Variants in PSD3 observed in about 807,000 individuals in gnomAD.
PSD3 encodes pleckstrin and Sec7 domain containing 3.
Under a neutral mutation model 105.5 loss-of-function variants are expected in PSD3, and 49 were observed. That is an observed-to-expected ratio of 0.46 (90% CI 0.37 to 0.59). PSD3 has a LOEUF of 0.59. Among genes scored for constraint, PSD3 ranks in the 20% least tolerant of loss-of-function variants. PSD3 has a pLI of 0.00. For synonymous variants in PSD3, 557 were observed against 457.8 expected, an observed-to-expected ratio of 1.22 and a Z score of -2.77; for missense variants, 1,561 against 1,263.8, an observed-to-expected ratio of 1.24 and a Z score of -3.57.
intron 1 of PSD3, among the ~76,000 whole-genome samples, chr8:19,032,395 C>A (rs1336825999): frequency 6.6e-6 from 1 of 152,036 alleles, no homozygotes; most frequent in Non-Finnish European, 1.5e-5. Flanking sequence ...GTAATCCCAG[C>A]ACTTTGGGAG....
At chr8:18,658,955 T>C (rs1809104544) in intron 9 of PSD3, among the ~76,000 whole-genome samples, 1 of 152,100 alleles carries the variant, frequency 6.6e-6, no homozygotes, top group Non-Finnish European at 1.5e-5. Context: ...TCACAGCTTG[T>C]CTCTCTCAAT....
At chr8:18,944,479 G>A (rs978189779) in intron 1 of PSD3, among the ~76,000 whole-genome samples, 3 of 152,162 alleles carry the variant, frequency 2.0e-5, no homozygotes, top group East Asian at 1.9e-4. Context: ...GCTGAGCGAG[G>A]AGAATCACTT....
intron 10 of PSD3, among the ~76,000 whole-genome samples, chr8:18,648,434 T>A (rs1389138941): frequency 6.6e-6 from 1 of 152,140 alleles, no homozygotes; most frequent in East Asian, 1.9e-4. Flanking sequence ...ATTTTGAACT[T>A]GAGAGTGATG....
At chr8:18,620,088 C>G (rs994355502) in intron 11 of PSD3, among the ~76,000 whole-genome samples, 3 of 152,198 alleles carry the variant, frequency 2.0e-5, no homozygotes, top group Admixed American at 2.0e-4. Flanking sequence ...CTCCTTAACT[C>G]AAGCATTCCT....
At chr8:18,845,764 C>A (rs1815038631) in intron 4 of PSD3, among the ~76,000 whole-genome samples, 2 of 152,092 alleles carry the variant, frequency 1.3e-5, no homozygotes, top group Admixed American at 1.3e-4. Context: ...TAGCAAGACC[C>A]CACCTCTACA....
At chr8:18,858,798 G>T (rs183930489) in intron 4 of PSD3, among the ~76,000 whole-genome samples, 91 of 152,190 alleles carry the variant, frequency 6.0e-4, no homozygotes, top group African/African-American at 2.0e-3. Context: ...CTTCTCGTTC[G>T]CCTGCTATTT....
intron 9 of PSD3, among the ~76,000 whole-genome samples, chr8:18,748,819 A>G (rs1482145257): frequency 6.6e-6 from 1 of 152,248 alleles, no homozygotes; most frequent in East Asian, 1.9e-4. Flanking sequence ...TCATCCACCT[A>G]AAGTAGGGTA....
chr8:18,727,322 A>G (rs1803399046), intron 9 of PSD3, among the ~76,000 whole-genome samples: 1 of 140,772 alleles, frequency 7.1e-6, no homozygotes, highest in South Asian at 2.5e-4. Flanking sequence ...AGGAAACCGC[A>G]AGACTGTGTC....
intron 6 of PSD3, among the ~76,000 whole-genome samples, chr8:18,801,744 C>A (rs1486046793): frequency 6.6e-6 from 1 of 152,028 alleles, no homozygotes; most frequent in Non-Finnish European, 1.5e-5. Flanking sequence ...GCAGGAATCG[C>A]TTGAACCCAG....
intron 2 of PSD3, among the ~76,000 whole-genome samples, chr8:18,906,328 A>G (rs947563561): frequency 3.3e-5 from 5 of 152,208 alleles, no homozygotes; most frequent in Non-Finnish European, 7.3e-5. Context: ...CTTTTAACAC[A>G]AGACATTCAA....
rs1586415700 is a variant in PSD3, at chr8:18,916,327, T to G, written c.130+19707A>C. Among the ~76,000 whole-genome samples, 4 of 57,952 alleles carry G rather than the reference T, an allele frequency of 6.9e-5. 1 individual carries two copies. The highest frequency in any genetic ancestry group is 9.6e-5 in the African/African-American group (1 of 10,396). 38.0% of individuals were successfully genotyped at this position (57,952 alleles called of 152,430 possible). On this transcript the variant is annotated intron_variant, in intron 2 of 15. Transcript: ENST00000327040. ...ATATATATATATATATATATATATA[T>G]ATATATATATATATATATATATACA...
chr8:18,796,785 G>A (rs1810220457), intron 8 of PSD3, among the ~76,000 whole-genome samples: 1 of 152,082 alleles, frequency 6.6e-6, no homozygotes, highest in Non-Finnish European at 1.5e-5. Flanking sequence ...TGACACAACG[G>A]TAAGGAAAAA....
intron 1 of PSD3, among the ~76,000 whole-genome samples, chr8:19,053,155 A>T (rs1828589606): frequency 6.6e-6 from 1 of 152,194 alleles, no homozygotes; most frequent in South Asian, 2.1e-4. Context: ...ATCAGACAGA[A>T]ATCCCAAGTG....
At chr8:19,051,676 G>A (rs1828534375) in intron 1 of PSD3, among the ~76,000 whole-genome samples, 1 of 152,162 alleles carries the variant, frequency 6.6e-6, no homozygotes, top group African/African-American at 2.4e-5. Flanking sequence ...TTGTCATTGT[G>A]TCATGCTGAT....
Position 18,871,789 on chromosome 8 carries a change from T to C in PSD3, c.1075A>G (p.Asn359Asp). The C allele has an allele frequency of 6.2e-7, 1 of 1,614,146 alleles. No homozygotes were observed. Among genetic ancestry groups the C allele is most frequent in the Non-Finnish European group, 8.5e-7 (1 of 1,180,014 alleles). ...GLCNSSSLTE[N>D]VWDESWKAPS... ...GCTTTCCAGGATTCATCCCAAACAT[T>C]CTCAGTTAAACTACTTGAATTACAC... The change falls in exon 3 of 16, where the codon AAT (asparagine) becomes GAT (aspartate). Residue 359 changes from asparagine (N) to aspartate (D), a missense_variant. By Grantham distance (23) the Asn-to-Asp change is conservative. Coordinates refer to ENST00000327040, the MANE Select transcript of PSD3 (RefSeq NM_015310.4).
At chr8:18,858,457 G>A (rs1273523926) in intron 4 of PSD3, among the ~76,000 whole-genome samples, 2 of 152,084 alleles carry the variant, frequency 1.3e-5, no homozygotes, top group Non-Finnish European at 2.9e-5. Flanking sequence ...CTGAAAATAA[G>A]ACAAAAATGA....
chr8:18,674,312 T>C (rs905707214), intron 9 of PSD3, among the ~76,000 whole-genome samples: 1 of 152,230 alleles, frequency 6.6e-6, no homozygotes, highest in Non-Finnish European at 1.5e-5. Context: ...TTCCCTGCGT[T>C]CTGTGGGGAC....
chr8:18,566,131 A>C (rs931971021), intron 14 of PSD3, among the ~76,000 whole-genome samples: 3 of 152,140 alleles, frequency 2.0e-5, no homozygotes, highest in African/African-American at 7.2e-5. Flanking sequence ...TGCTACTCCA[A>C]ATACATGCTT....
At chr8:18,723,023 T>C (rs1470336418) in intron 9 of PSD3, among the ~76,000 whole-genome samples, 3 of 152,186 alleles carry the variant, frequency 2.0e-5, no homozygotes, top group East Asian at 1.9e-4. Flanking sequence ...ACTTTTAAAA[T>C]GTTTTCCATA....
Sources: allele counts gnomAD v4.1 joint callset (sites outside exome capture counted in the v4.1 genomes callset), GRCh38; gene constraint gnomAD v4.1.1; transcripts MANE v1.5; gene names NCBI Gene and HGNC (gene_info 2026-07-23, HGNC 2026-07-21).